GALNT11: variants seen among roughly 807,000 people sequenced by gnomAD.
The protein encoded by GALNT11 is polypeptide N-acetylgalactosaminyltransferase 11.
GALNT11 carries 47 observed loss-of-function variants against 72.7 expected under a neutral mutation model. The observed-to-expected ratio is 0.65, with a 90% CI of 0.51 to 0.82. The LOEUF (loss-of-function observed/expected upper bound fraction) is 0.82, where lower values mean the gene tolerates loss of function less well. GALNT11 is among the 40% of genes least tolerant of loss of function. The pLI is 0.00. For missense variants in GALNT11, 677 were observed against 778.4 expected (o/e 0.87, Z 1.55); for synonymous variants, 270 against 286.6 (o/e 0.94, Z 0.58).
intron 2 of GALNT11, among the ~76,000 whole-genome samples, chr7:152,097,880 A>T (rs1405248937): frequency 6.6e-6 from 1 of 152,208 alleles, no homozygotes; most frequent in African/African-American, 2.4e-5. Context: ...TTTAATGGGT[A>T]TAGGGTTTTC....
chr7:152,045,628 A>T (rs541015855), intron 1 of GALNT11, among the ~76,000 whole-genome samples: 1 of 151,706 alleles, frequency 6.6e-6, no homozygotes, highest in Non-Finnish European at 1.5e-5. Flanking sequence ...ATTGATTGTA[A>T]TGTCTCCTTT....
At chr7:152,096,576 G>A (rs905387988) in intron 2 of GALNT11, among the ~76,000 whole-genome samples, 21 of 151,996 alleles carry the variant, frequency 1.4e-4, no homozygotes, top group African/African-American at 5.1e-4. Flanking sequence ...TTAGGTGGGC[G>A]TGGTGGCAGG....
At chr7:152,090,797 C>T (rs768957671) in intron 1 of GALNT11, among the ~76,000 whole-genome samples, 1 of 152,170 alleles carries the variant, frequency 6.6e-6, no homozygotes, top group Non-Finnish European at 1.5e-5. Flanking sequence ...CTCCTCGTTG[C>T]TCTTCCTGCT....
chr7:152,053,291 T>A (rs1012227626), intron 1 of GALNT11, among the ~76,000 whole-genome samples: 1 of 152,224 alleles, frequency 6.6e-6, no homozygotes, highest in Admixed American at 6.5e-5. Flanking sequence ...AACCTTATCC[T>A]GCTCCGTGAT....
rs186999210 is a variant in GALNT11 at position 152,059,101 on chromosome 7, G to C, written c.-39+33217G>C. ...CTCCTCGAATGAATGGGTTTTTGTT[G>C]TTGTTGTTTTGTGAGATACAGTTTT... On this transcript the variant is annotated intron_variant, in intron 1 of 11. Coordinates refer to ENST00000430044, the MANE Select transcript of GALNT11 (RefSeq NM_022087.4). 2.6e-5 allele frequency among the ~76,000 whole-genome samples: 4 copies of C among 152,208 alleles called. No homozygotes were observed. The East Asian group carries it at 7.7e-4, about 29-fold the overall frequency.
chr7:152,065,081 C>G (rs545828813), intron 1 of GALNT11, among the ~76,000 whole-genome samples: 1 of 152,244 alleles, frequency 6.6e-6, no homozygotes, highest in Non-Finnish European at 1.5e-5. Context: ...CCGTCACTTT[C>G]AGGCACACCA....
At chr7:152,034,486 T>C (rs2082459145) in intron 1 of GALNT11, among the ~76,000 whole-genome samples, 2 of 152,286 alleles carry the variant, frequency 1.3e-5, no homozygotes, top group East Asian at 3.9e-4. Context: ...GCCACCTCTT[T>C]TTCAGGGTTT....
intron 2 of GALNT11, 124 bp from the exon 3 acceptor site, chr7:152,100,674 T>A: frequency 8.1e-7 from 1 of 1,239,824 alleles, no homozygotes. Flanking sequence ...ACAACCTAAG[T>A]TTGAGAAAAG....
chr7:152,084,185 C>T (rs1239009387), intron 1 of GALNT11, among the ~76,000 whole-genome samples: 1 of 150,558 alleles, frequency 6.6e-6, no homozygotes, highest in African/African-American at 2.4e-5. Flanking sequence ...TTTTGGGGAA[C>T]TCTTTTATGA....
intron 8 of GALNT11, among the ~76,000 whole-genome samples, chr7:152,115,380 G>A (rs2088729803): frequency 6.6e-6 from 1 of 152,152 alleles, no homozygotes; most frequent in Admixed American, 6.5e-5. Context: ...AAGGCCAGCT[G>A]CATTTCCGAA....
chr7:152,088,274 A>G lies in GALNT11; in HGVS notation c.-38-5916A>G, dbSNP rs560603536. 2.0e-5 allele frequency among the ~76,000 whole-genome samples: 3 copies of G among 152,260 alleles called. No homozygotes were observed. The East Asian group carries it at 5.8e-4, about 29-fold the overall frequency. On this transcript the variant is annotated intron_variant, in intron 1 of 11. Transcript: ENST00000430044. ...TGTTTAGTATCATGTTTGCTACCAG[A>G]TTTTTAGAGATGCTCTTTGTCAGGC...
intron 1 of GALNT11, among the ~76,000 whole-genome samples, chr7:152,075,480 T>A (rs1480087064): frequency 6.6e-6 from 1 of 152,244 alleles, no homozygotes; most frequent in African/African-American, 2.4e-5. Flanking sequence ...CTACCCTGCC[T>A]GGTAGCTTTC....
chr7:152,037,228 T>C (rs980951959), intron 1 of GALNT11, among the ~76,000 whole-genome samples: 1 of 152,270 alleles, frequency 6.6e-6, no homozygotes, highest in Non-Finnish European at 1.5e-5. Context: ...CATTTCAATT[T>C]GATTTTTGTG....
At chr7:152,079,071 G>A (rs373906753) in intron 1 of GALNT11, among the ~76,000 whole-genome samples, 16 of 152,312 alleles carry the variant, frequency 1.1e-4, no homozygotes, top group African/African-American at 3.4e-4. Flanking sequence ...GGATGCAAGC[G>A]AAAACCCTTT....
intron 2 of GALNT11, among the ~76,000 whole-genome samples, chr7:152,096,894 C>T (rs1047781167): frequency 9.9e-5 from 15 of 152,182 alleles, no homozygotes; most frequent in Non-Finnish European, 7.3e-5. Flanking sequence ...GTGGCACAGT[C>T]ATGACTCACT....
intron 1 of GALNT11, among the ~76,000 whole-genome samples, chr7:152,083,329 G>A (rs772641571): frequency 4.0e-5 from 6 of 151,892 alleles, no homozygotes; most frequent in Non-Finnish European, 7.4e-5. Flanking sequence ...TCCAGTTTTC[G>A]GGATAAATGA....
rs889942282 is a variant in GALNT11, at chr7:152,087,796, C to T, written c.-38-6394C>T. Among the ~76,000 whole-genome samples, 6 of 152,268 alleles carry T rather than the reference C, an allele frequency of 3.9e-5. No individual in the cohort carries two copies. The South Asian group carries it at 1.0e-3, about 26-fold the overall frequency. ...TGTGTGTCAGTCATTGTATCTGACACTTTACATATTTTACCTTGTGTAATT... is the reference window on the plus strand; with the variant it reads ...TGTGTGTCAGTCATTGTATCTGACATTTTACATATTTTACCTTGTGTAATT... On this transcript the variant is annotated intron_variant, in intron 1 of 11. Coordinates refer to ENST00000430044, the MANE Select transcript of GALNT11 (RefSeq NM_022087.4).
intron 3 of GALNT11, among the ~76,000 whole-genome samples, chr7:152,102,101 T>C (rs1232324834): frequency 6.6e-6 from 1 of 152,226 alleles, no homozygotes; most frequent in Non-Finnish European, 1.5e-5. Context: ...TAAAGTCTTA[T>C]ATTTGTTTCC....
intron 1 of GALNT11, among the ~76,000 whole-genome samples, chr7:152,058,588 G>A (rs1350615507): frequency 5.9e-5 from 9 of 152,030 alleles, no homozygotes; most frequent in Admixed American, 1.3e-4. Context: ...CGCCTGTCTC[G>A]GCCTCCCAAA....
Sources: allele counts gnomAD v4.1 joint callset (sites outside exome capture counted in the v4.1 genomes callset), GRCh38; gene constraint gnomAD v4.1.1; transcripts MANE v1.5; gene names NCBI Gene and HGNC (gene_info 2026-07-23, HGNC 2026-07-21).